Variants in SLC25A48 observed in about 807,000 individuals in gnomAD.
The protein encoded by SLC25A48 is CTC-321K16.1.
In SLC25A48, 29 loss-of-function variants were observed where a neutral mutation model predicts 32.2. The observed-to-expected ratio is 0.90, with a 90% CI of 0.67 to 1.23. SLC25A48 has a LOEUF of 1.23. SLC25A48 is among the 50% of genes most tolerant of loss of function. SLC25A48 has a pLI of 0.00. For missense variants in SLC25A48, 399 were observed against 422.7 expected (o/e 0.94, Z 0.49); for synonymous variants, 164 against 172.3 (o/e 0.95, Z 0.38).
intron 3 of SLC25A48, among the ~76,000 whole-genome samples, chr5:135,642,245 C>T (rs1752856963): frequency 6.6e-6 from 1 of 152,202 alleles, no homozygotes; most frequent in Admixed American, 6.5e-5. Context: ...GGAGGCTTCT[C>T]TGATGGTGCT....
At chr5:135,841,691 T>A (rs1205613080) in intron 1 of SLC25A48, among the ~76,000 whole-genome samples, 1 of 146,002 alleles carries the variant, frequency 6.8e-6, no homozygotes, top group East Asian at 2.2e-4. Flanking sequence ...GCTAGAGGAG[T>A]CACTAGGAGA....
At chr5:135,592,209 T>G (rs916905041) in intron 1 of SLC25A48, among the ~76,000 whole-genome samples, 2 of 152,112 alleles carry the variant, frequency 1.3e-5, no homozygotes, top group Non-Finnish European at 2.9e-5. Context: ...TTTGGTGAAG[T>G]GGTGGCAGGA....
chr5:135,755,420 A>G lies in SLC25A48; in HGVS notation c.-520-57103A>G, dbSNP rs569103232. ...GGTATTAATGAAATATCACTGTGATATTTATCATATCTAGTGTCAATGCAC... is the reference window on the plus strand; with the variant it reads ...GGTATTAATGAAATATCACTGTGATGTTTATCATATCTAGTGTCAATGCAC... On this transcript the variant is annotated intron_variant, in intron 3 of 10. Transcript: ENST00000646290. Among the ~76,000 whole-genome samples, 8 of 152,100 alleles carry G rather than the reference A, an allele frequency of 5.3e-5. No homozygotes were observed. In the East Asian group the frequency reaches 1.2e-3, roughly 22 times the overall value.
intron 3 of SLC25A48, among the ~76,000 whole-genome samples, chr5:135,683,956 G>T (rs983909921): frequency 6.6e-6 from 1 of 152,166 alleles, no homozygotes; most frequent in Non-Finnish European, 1.5e-5. Flanking sequence ...TTTCATTGCT[G>T]TGATTTTAGG....
chr5:135,611,496 CAA>C (rs57138043), intron 1 of SLC25A48, among the ~76,000 whole-genome samples: 11 of 21,342 alleles, frequency 5.2e-4, no homozygotes, highest in East Asian at 8.9e-3. Flanking sequence ...GACTCCATCT[CAA>C]AAAAAAAAAA....
chr5:135,827,465 A>G (rs1487679948), intron 4 of SLC25A48: 2 of 152,218 alleles, frequency 1.3e-5, no homozygotes, highest in African/African-American at 2.4e-5. Context: ...AGGCACTCCT[A>G]TGACTTCCCA....
chr5:135,675,714 G>A (rs1292108570), intron 3 of SLC25A48, among the ~76,000 whole-genome samples: 1 of 151,784 alleles, frequency 6.6e-6, no homozygotes, highest in Non-Finnish European at 1.5e-5. Context: ...GAATTTTAGG[G>A]TTACGTTTTA....
intron 3 of SLC25A48, among the ~76,000 whole-genome samples, chr5:135,783,998 A>G (rs1230323038): frequency 8.9e-6 from 1 of 112,928 alleles, no homozygotes; most frequent in Non-Finnish European, 2.2e-5. Context: ...ATATCGCAGG[A>G]CGTGTACACT....
At chr5:135,645,247 G>C (rs1421103350) in intron 3 of SLC25A48, among the ~76,000 whole-genome samples, 1 of 152,156 alleles carries the variant, frequency 6.6e-6, no homozygotes, top group Non-Finnish European at 1.5e-5. Context: ...CCTCCTTTCT[G>C]TGAGGGCCCT....
intron 7 of SLC25A48, among the ~76,000 whole-genome samples, chr5:135,885,876 G>A (rs1227756974): frequency 6.6e-6 from 1 of 152,168 alleles, no homozygotes; most frequent in African/African-American, 2.4e-5. Flanking sequence ...AAATATGTCA[G>A]CAACATTGTA....
chr5:135,682,963 A>G (rs1284522753), intron 3 of SLC25A48, among the ~76,000 whole-genome samples: 3 of 152,190 alleles, frequency 2.0e-5, no homozygotes, highest in Admixed American at 2.0e-4. Flanking sequence ...AACTCATTTT[A>G]TGGCTGAATG....
intron 1 of SLC25A48, among the ~76,000 whole-genome samples, chr5:135,611,441 G>A (rs1227518185): frequency 7.6e-6 from 1 of 131,246 alleles, no homozygotes; most frequent in Non-Finnish European, 1.5e-5. Context: ...AGCTTGCAGC[G>A]AGCTGAGATT....
intron 3 of SLC25A48, among the ~76,000 whole-genome samples, chr5:135,680,172 T>A (rs141977305): frequency 7.5e-4 from 114 of 152,336 alleles, no homozygotes; most frequent in African/African-American, 2.6e-3. Flanking sequence ...AGTGTGATTA[T>A]CTACTAACTA....
chr5:135,703,273 C>T (rs1754433838), intron 3 of SLC25A48, among the ~76,000 whole-genome samples: 1 of 152,168 alleles, frequency 6.6e-6, no homozygotes, highest in Non-Finnish European at 1.5e-5. Context: ...CTGAAATGTT[C>T]AATCACTACT....
intron 3 of SLC25A48, among the ~76,000 whole-genome samples, chr5:135,801,699 A>G (rs142490290): frequency 0.03 from 4,554 of 151,310 alleles, 110 homozygotes; most frequent in Non-Finnish European, 0.041. Flanking sequence ...GGTTTGTAAT[A>G]TTAGAAGGAG....
At chr5:135,767,562 A>AT (rs1756275171) in intron 3 of SLC25A48, among the ~76,000 whole-genome samples, 1 of 151,784 alleles carries the variant, frequency 6.6e-6, no homozygotes. Context: ...CCTCTGTGAT[A>AT]TTTTTTGTAA....
intron 3 of SLC25A48, among the ~76,000 whole-genome samples, chr5:135,646,507 G>A (rs949213226): frequency 6.6e-6 from 1 of 151,792 alleles, no homozygotes. Context: ...TTCCTTAGCT[G>A]TAAGATGAAG....
At chr5:135,615,530 T>G (rs1189595410) in intron 1 of SLC25A48, among the ~76,000 whole-genome samples, 1 of 152,228 alleles carries the variant, frequency 6.6e-6, no homozygotes, top group African/African-American at 2.4e-5. Flanking sequence ...GCCTGGCTAC[T>G]TCTAATACCA....
intron 4 of SLC25A48, among the ~76,000 whole-genome samples, chr5:135,867,189 A>G (rs1761270154): frequency 6.6e-6 from 1 of 152,194 alleles, no homozygotes; most frequent in Non-Finnish European, 1.5e-5. Context: ...ATATATATCT[A>G]ATGCCAATCC....
Sources: allele counts gnomAD v4.1 joint callset (sites outside exome capture counted in the v4.1 genomes callset), GRCh38; gene constraint gnomAD v4.1.1; transcripts MANE v1.5; gene names NCBI Gene and HGNC (gene_info 2026-07-23, HGNC 2026-07-21).